The following KIDINS220 variants were observed in gnomAD, a reference collection of about 807,000 sequenced individuals.
The protein encoded by KIDINS220 is kinase D interacting substrate 220.
A neutral mutation model predicts 157.6 loss-of-function variants in KIDINS220; 63 were observed. The ratio of observed to expected loss-of-function variants is 0.40; its 90% CI spans 0.33 to 0.49. The LOEUF is 0.49. KIDINS220 is among the 20% of genes least tolerant of loss of function. KIDINS220 has a pLI of 0.66. For synonymous variants in KIDINS220, 732 were observed against 783.6 expected (o/e 0.93, Z 1.10); for missense variants, 1,772 against 2,171.2 (o/e 0.82, Z 3.65).
intron 26 of KIDINS220, among the ~76,000 whole-genome samples, chr2:8,738,967 G>A (rs1395489825): frequency 6.6e-6 from 1 of 151,980 alleles, no homozygotes; most frequent in Non-Finnish European, 1.5e-5. Flanking sequence ...CAAAAATCCC[G>A]AAATCTCTCT....
chr2:8,817,771 G>A, intron 3 of KIDINS220, 55 bp from the exon 4 acceptor site: 3 of 1,224,398 alleles, frequency 2.5e-6, no homozygotes, highest in East Asian at 2.4e-5. Flanking sequence ...ACACGTCAAA[G>A]TAAGGAAAAC....
chr2:8,800,533 A>T, intron 8 of KIDINS220, 35 bp from the exon 9 acceptor site: 1 of 1,422,872 alleles, frequency 7.0e-7, no homozygotes, highest in Non-Finnish European at 9.8e-7. Context: ...AAAACAAGGT[A>T]AATTGACAAC....
At chr2:8,741,091 C>T (rs1053985281) in intron 26 of KIDINS220, among the ~76,000 whole-genome samples, 2 of 152,042 alleles carry the variant, frequency 1.3e-5, no homozygotes, top group East Asian at 1.9e-4. Flanking sequence ...TAGAGATTTG[C>T]AAAAATACCA....
At chr2:8,834,316 C>G (rs1680080453) in intron 1 of KIDINS220, among the ~76,000 whole-genome samples, 1 of 151,942 alleles carries the variant, frequency 6.6e-6, no homozygotes, top group Non-Finnish European at 1.5e-5. Context: ...TATTCCACCC[C>G]TTCTCCACCT....
rs183909400 is a variant in KIDINS220 at position 8,826,799 on chromosome 2, A to T, written c.108+187T>A. The T allele has an allele frequency of 8.4e-6, 3 of 355,468 alleles. No individual in the cohort carries two copies. The East Asian group carries it at 1.3e-4, about 15-fold the overall frequency. The allele number at this position is 355,468 out of a possible 1,614,324, so 22.0% of individuals were successfully genotyped here. ...AAATCTAAATTCAACAGTCATTTAT[A>T]TAAGTTAAAATGTACTCCAAAAACA... On this transcript the variant is annotated intron_variant, in intron 2 of 29. Coordinates refer to ENST00000256707, the MANE Select transcript of KIDINS220 (RefSeq NM_020738.4).
chr2:8,777,024 GTAA>G, intron 20 of KIDINS220, 132 bp from the exon 21 acceptor site: 1 of 877,206 alleles, frequency 1.1e-6, no homozygotes, highest in Non-Finnish European at 1.7e-6. Flanking sequence ...ATATCATACA[GTAA>G]TAAATTATTA....
chr2:8,836,406 C>A (rs1287409848), intron 1 of KIDINS220, among the ~76,000 whole-genome samples: 1 of 152,222 alleles, frequency 6.6e-6, no homozygotes, highest in Admixed American at 6.5e-5. Flanking sequence ...AAATTATTCA[C>A]ACAAAGGGTG....
chr2:8,781,030 T>A (rs970843021), intron 17 of KIDINS220, among the ~76,000 whole-genome samples: 2 of 151,122 alleles, frequency 1.3e-5, no homozygotes, highest in South Asian at 2.1e-4. Flanking sequence ...TTGTATGTTA[T>A]CTACAAGAAA....
intron 26 of KIDINS220, among the ~76,000 whole-genome samples, chr2:8,741,417 AT>A (rs1183959807): frequency 6.6e-6 from 1 of 152,082 alleles, no homozygotes; most frequent in Non-Finnish European, 1.5e-5. Flanking sequence ...AAGTACAAAA[AT>A]TAGCTGGGCT....
chr2:8,784,490 G>A (rs1252107273), intron 17 of KIDINS220, among the ~76,000 whole-genome samples: 11 of 152,088 alleles, frequency 7.2e-5, no homozygotes, highest in Non-Finnish European at 1.3e-4. Context: ...AAAGAATGGA[G>A]CAAAATATTT....
chr2:8,772,502 A>C (rs1219115140), intron 21 of KIDINS220, among the ~76,000 whole-genome samples: 1 of 152,056 alleles, frequency 6.6e-6, no homozygotes, highest in Non-Finnish European at 1.5e-5. Flanking sequence ...GCATGAGTTA[A>C]TAAAAGTAAA....
At chr2:8,776,044 A>G (rs1670922613) in intron 21 of KIDINS220, among the ~76,000 whole-genome samples, 1 of 152,240 alleles carries the variant, frequency 6.6e-6, no homozygotes, top group Admixed American at 6.5e-5. Context: ...GAACATAAAT[A>G]CAGTGAGGCT....
At chr2:8,809,558 G>A (rs544607772) in intron 6 of KIDINS220, among the ~76,000 whole-genome samples, 4 of 151,034 alleles carry the variant, frequency 2.6e-5, no homozygotes, top group South Asian at 2.1e-4. Flanking sequence ...ACCATATTCC[G>A]TTACTACTGA....
At chr2:8,734,187 G>A (rs1230096299) in intron 28 of KIDINS220, among the ~76,000 whole-genome samples, 2 of 151,934 alleles carry the variant, frequency 1.3e-5, no homozygotes, top group South Asian at 2.1e-4. Context: ...TTGGTACGCC[G>A]ATGGCCAGGG....
chr2:8,831,755 C>T (rs773390532), intron 1 of KIDINS220, among the ~76,000 whole-genome samples: 10 of 152,202 alleles, frequency 6.6e-5, no homozygotes, highest in East Asian at 1.9e-4. Context: ...CCCTGACTGT[C>T]GGGAACTGAC....
intron 26 of KIDINS220, among the ~76,000 whole-genome samples, chr2:8,743,286 ATC>A (rs1251782862): frequency 6.6e-6 from 1 of 152,230 alleles, no homozygotes; most frequent in Non-Finnish European, 1.5e-5. Context: ...GGCTGCATGA[ATC>A]TAAACTGATT....
intron 22 of KIDINS220, among the ~76,000 whole-genome samples, chr2:8,757,958 G>C (rs183953707): frequency 6.6e-4 from 100 of 152,324 alleles, no homozygotes; most frequent in African/African-American, 2.1e-3. Flanking sequence ...TGCCTCCTGG[G>C]ATCAAGCAAT....
intron 1 of KIDINS220, among the ~76,000 whole-genome samples, chr2:8,831,392 C>T (rs908584170): frequency 4.0e-5 from 6 of 149,046 alleles, no homozygotes; most frequent in African/African-American, 1.5e-4. Flanking sequence ...AGCTCCTTCA[C>T]TGCCCCACAC....
intron 26 of KIDINS220, among the ~76,000 whole-genome samples, chr2:8,744,400 TA>T (rs55748308): frequency 0.051 from 1,187 of 23,344 alleles, 55 homozygotes; most frequent in Middle Eastern, 0.071. Flanking sequence ...TATATATATA[TA>T]ATATATATAT....
Sources: allele counts gnomAD v4.1 joint callset (sites outside exome capture counted in the v4.1 genomes callset), GRCh38; gene constraint gnomAD v4.1.1; transcripts MANE v1.5; gene names NCBI Gene and HGNC (gene_info 2026-07-23, HGNC 2026-07-21).